Variants in SPIDR observed in about 807,000 individuals in gnomAD.
SPIDR encodes the protein scaffold protein involved in DNA repair.
SPIDR carries 93 observed loss-of-function variants against 104.6 expected under a neutral mutation model. The observed-to-expected ratio is 0.89, with a 90% CI of 0.75 to 1.06. The LOEUF is 1.06. Among genes scored for constraint, SPIDR ranks in the 50% least tolerant of loss-of-function variants. The pLI, the probability that SPIDR is intolerant of heterozygous loss-of-function variation, is 0.00. For synonymous variants in SPIDR, 431 were observed against 416.9 expected (o/e 1.03, Z -0.41); for missense variants, 1,154 against 1,111.2 (o/e 1.04, Z -0.55).
chr8:47,562,621 G>A (rs2057222375), intron 8 of SPIDR, among the ~76,000 whole-genome samples: 1 of 152,196 alleles, frequency 6.6e-6, no homozygotes, highest in Admixed American at 6.5e-5. Context: ...TGTTGCTGCT[G>A]GGTGTCAGAA....
At chr8:47,718,737 AC>A (rs2082940109) in intron 16 of SPIDR, among the ~76,000 whole-genome samples, 1 of 152,200 alleles carries the variant, frequency 6.6e-6, no homozygotes, top group Non-Finnish European at 1.5e-5. Flanking sequence ...GAATAGAAAT[AC>A]GGTCTTGGCC....
intron 8 of SPIDR, among the ~76,000 whole-genome samples, chr8:47,592,912 G>A (rs1048936544): frequency 6.6e-6 from 1 of 152,006 alleles, no homozygotes; most frequent in African/African-American, 2.4e-5. Flanking sequence ...TTGAAGAGGA[G>A]TTTTGCTTTT....
intron 10 of SPIDR, among the ~76,000 whole-genome samples, chr8:47,613,139 G>T (rs1032530236): frequency 2.0e-5 from 3 of 152,214 alleles, no homozygotes; most frequent in African/African-American, 7.2e-5. Context: ...TACATATTAA[G>T]CAGTCCCTCC....
chr8:47,467,356 C>T (rs1291328188), intron 8 of SPIDR, among the ~76,000 whole-genome samples: 1 of 152,178 alleles, frequency 6.6e-6, no homozygotes, highest in African/African-American at 2.4e-5. Flanking sequence ...CACCCCATCT[C>T]ATTCTATGAG....
At chr8:47,329,638 T>A (rs2048322809) in intron 5 of SPIDR, among the ~76,000 whole-genome samples, 1 of 152,250 alleles carries the variant, frequency 6.6e-6, no homozygotes, top group Non-Finnish European at 1.5e-5. Context: ...TATATGGCTC[T>A]ACTTTCTCTT....
At chr8:47,462,709 TG>T (rs1393844155) in intron 8 of SPIDR, among the ~76,000 whole-genome samples, 1 of 151,866 alleles carries the variant, frequency 6.6e-6, no homozygotes, top group Non-Finnish European at 1.5e-5. Flanking sequence ...AGCAGAAGGA[TG>T]GAAAAAATAA....
intron 8 of SPIDR, among the ~76,000 whole-genome samples, chr8:47,500,063 T>G (rs1463960553): frequency 1.3e-5 from 2 of 152,218 alleles, no homozygotes; most frequent in African/African-American, 2.4e-5. Flanking sequence ...TTGGGTTGGT[T>G]CCAAGTCTTT....
intron 8 of SPIDR, among the ~76,000 whole-genome samples, chr8:47,488,147 C>G (rs1161453017): frequency 6.6e-6 from 1 of 152,044 alleles, no homozygotes; most frequent in Non-Finnish European, 1.5e-5. Context: ...CAGATAGACA[C>G]AATAAAAAAT....
chr8:47,345,135 T>G lies in SPIDR; in HGVS notation c.525+51105T>G, dbSNP rs554005619. Among the ~76,000 whole-genome samples the G allele has an allele frequency of 7.9e-5, 12 of 152,376 alleles. No homozygotes were observed. The East Asian group carries it at 2.1e-3, about 27-fold the overall frequency. ...TCTTTAATCCATCTTGAAATAATTTTTATATAAGGTGTAAGGAAGGGATCC... is the reference window on the plus strand; with the variant it reads ...TCTTTAATCCATCTTGAAATAATTTGTATATAAGGTGTAAGGAAGGGATCC... On this transcript the variant is annotated intron_variant, in intron 5 of 19. Coordinates refer to ENST00000297423, the MANE Select transcript of SPIDR (RefSeq NM_001080394.4).
intron 8 of SPIDR, among the ~76,000 whole-genome samples, chr8:47,549,184 G>T (rs2090016790): frequency 6.6e-6 from 1 of 152,154 alleles, no homozygotes; most frequent in Admixed American, 6.6e-5. Flanking sequence ...GGACATTTGG[G>T]TTGGTTCCAA....
chr8:47,689,628 GCTT>G (rs2078339782), intron 11 of SPIDR, among the ~76,000 whole-genome samples: 2 of 152,196 alleles, frequency 1.3e-5, no homozygotes, highest in Admixed American at 1.3e-4. Flanking sequence ...GCATAGCCTA[GCTT>G]CATGGTACTG....
chr8:47,424,782 C>A (rs979460815), intron 7 of SPIDR, among the ~76,000 whole-genome samples: 2 of 152,216 alleles, frequency 1.3e-5, no homozygotes, highest in African/African-American at 2.4e-5. Flanking sequence ...GTTGTGCAGG[C>A]TGGAGTGCAG....
intron 2 of SPIDR, among the ~76,000 whole-genome samples, chr8:47,283,813 T>C (rs1356707401): frequency 1.3e-5 from 2 of 152,186 alleles, no homozygotes; most frequent in East Asian, 3.8e-4. Context: ...GGGAAACGTT[T>C]TGGTCAGTCA....
intron 10 of SPIDR, among the ~76,000 whole-genome samples, chr8:47,626,188 T>G (rs1404334513): frequency 6.6e-6 from 1 of 152,164 alleles, no homozygotes; most frequent in Non-Finnish European, 1.5e-5. Flanking sequence ...TAGCCATATG[T>G]AGAAAGCTGA....
chr8:47,502,998 G>C (rs1053097984), intron 8 of SPIDR, among the ~76,000 whole-genome samples: 2 of 152,204 alleles, frequency 1.3e-5, no homozygotes, highest in African/African-American at 4.8e-5. Flanking sequence ...TGTGGTCTGA[G>C]AGAGAGTTTG....
At chr8:47,724,146 G>A (rs2083856137) in intron 16 of SPIDR, among the ~76,000 whole-genome samples, 1 of 151,822 alleles carries the variant, frequency 6.6e-6, no homozygotes, top group South Asian at 2.1e-4. Context: ...TCTGCTTCCG[G>A]GCCTGTTCTA....
In SPIDR at chr8:47,397,725, A is replaced by G. The variant is rs568165740; in HGVS notation, c.776+1099A>G. 7.2e-5 allele frequency among the ~76,000 whole-genome samples: 11 copies of G among 152,316 alleles called. No individual in the cohort carries two copies. The East Asian group carries it at 2.1e-3, about 29-fold the overall frequency. ...TGTGGCTGAAGTAGCACACGGTTCAAGGAGTGACGACAGGGTCATGGCTCT... is the reference window on the plus strand; with the variant it reads ...TGTGGCTGAAGTAGCACACGGTTCAGGGAGTGACGACAGGGTCATGGCTCT... On this transcript the variant is annotated intron_variant, in intron 6 of 19. Coordinates refer to ENST00000297423, the MANE Select transcript of SPIDR (RefSeq NM_001080394.4).
chr8:47,599,846 A>G (rs1212578747), intron 10 of SPIDR, among the ~76,000 whole-genome samples: 1 of 152,124 alleles, frequency 6.6e-6, no homozygotes, highest in Non-Finnish European at 1.5e-5. Context: ...TTCTTTTTGC[A>G]ATCTCTGCCT....
At chr8:47,288,572 C>T (rs968175188) in intron 3 of SPIDR, among the ~76,000 whole-genome samples, 6 of 152,188 alleles carry the variant, frequency 3.9e-5, no homozygotes, top group Admixed American at 2.6e-4. Flanking sequence ...CGTGAGCCAC[C>T]GCTCCCTGCT....
Sources: allele counts gnomAD v4.1 joint callset (sites outside exome capture counted in the v4.1 genomes callset), GRCh38; gene constraint gnomAD v4.1.1; transcripts MANE v1.5; gene names NCBI Gene and HGNC (gene_info 2026-07-23, HGNC 2026-07-21).